The following MPPED1 variants were observed in gnomAD, a reference collection of about 807,000 sequenced individuals.
MPPED1 encodes metallophosphoesterase domain containing 1.
MPPED1 carries 16 observed loss-of-function variants against 36.2 expected under a neutral mutation model. The observed-to-expected ratio is 0.44, with a 90% CI of 0.30 to 0.67. The LOEUF is 0.67. MPPED1 is among the 30% of genes least tolerant of loss of function. The pLI is 0.10. For synonymous variants in MPPED1, 199 were observed against 191.3 expected (o/e 1.04, Z -0.33); for missense variants, 307 against 453.4 (o/e 0.68, Z 2.93).
intron 1 of MPPED1, among the ~76,000 whole-genome samples, chr22:43,422,342 A>G (rs1285720971): frequency 6.6e-6 from 1 of 152,180 alleles, no homozygotes; most frequent in Non-Finnish European, 1.5e-5. Context: ...AAGACTCTCA[A>G]AAAGTGTTGG....
At chr22:43,494,789 A>G (rs1363663376) in intron 4 of MPPED1, among the ~76,000 whole-genome samples, 1 of 151,518 alleles carries the variant, frequency 6.6e-6, no homozygotes, top group African/African-American at 2.4e-5. Flanking sequence ...TGGATTCTAA[A>G]CAACAGAAGT....
intron 1 of MPPED1, among the ~76,000 whole-genome samples, chr22:43,413,653 A>C (rs1209564956): frequency 1.3e-5 from 2 of 152,086 alleles, no homozygotes; most frequent in Admixed American, 6.5e-5. Flanking sequence ...CGCATGATAA[A>C]CTGCGCTTCA....
At position 43,425,048 on chromosome 22, in the gene MPPED1, C is replaced by A. The variant is rs780341898; in HGVS notation, c.63C>A (p.Cys21Ter). 1.2e-6 allele frequency: 2 copies of A among 1,612,492 alleles called. No individual in the cohort carries two copies. Among genetic ancestry groups the A allele is most frequent in the East Asian group, 2.2e-5 (1 of 44,816 alleles). ...CGGAGGCCCTGGCCCTCCTCCCCTG[C>A]GGCCTGGGCATGGCATTCTCCCAGT... ...LKAEALALLP[C>*]GLGMAFSQSH... The change falls in exon 2 of 7, where the codon TGC (cysteine) becomes TGA (stop). Residue 21 changes from cysteine (C) to a stop codon, truncating the protein, a stop_gained. Coordinates refer to ENST00000443721, the MANE Select transcript of MPPED1 (RefSeq NM_001044370.2). LOFTEE classifies it high-confidence loss of function.
chr22:43,500,428 A>AT (rs1932694654), intron 5 of MPPED1, among the ~76,000 whole-genome samples: 1 of 100,416 alleles, frequency 1.0e-5, no homozygotes, highest in Admixed American at 1.1e-4. Context: ...GTGGTAATGG[A>AT]GGTGGTGGTG....
chr22:43,479,920 T>C (rs1931696646), intron 4 of MPPED1, among the ~76,000 whole-genome samples: 1 of 152,162 alleles, frequency 6.6e-6, no homozygotes, highest in South Asian at 2.1e-4. Flanking sequence ...TGGAGTACAG[T>C]GGTACAGTCA....
At position 43,461,645 on chromosome 22, in the gene MPPED1, C is replaced by T. The variant is rs17003757; in HGVS notation, c.407-13091C>T. Among the ~76,000 whole-genome samples the T allele has an allele frequency of 8.4e-3, 1,276 of 152,166 alleles. 15 individuals carry two copies. Among genetic ancestry groups the T allele is most frequent in the African/African-American group, 0.029 (1,224 of 41,494 alleles). On this transcript the variant is annotated intron_variant, in intron 3 of 6. Transcript: ENST00000443721. The stretch of plus-strand genomic sequence containing the variant: ...TAAAATAAAGTCATTGAGAGCTGCT[C>T]ATAGCAAGAGAGATATTGTAAAGAC...
chr22:43,461,437 G>A (rs542888245), intron 3 of MPPED1, among the ~76,000 whole-genome samples: 13 of 152,258 alleles, frequency 8.5e-5, no homozygotes, highest in East Asian at 3.9e-4. Context: ...TATGCTCCTC[G>A]GATTGTTGGT....
chr22:43,425,917 C>T (rs1437062024), intron 2 of MPPED1, among the ~76,000 whole-genome samples: 1 of 152,220 alleles, frequency 6.6e-6, no homozygotes, highest in African/African-American at 2.4e-5. Context: ...TGTCCTGATG[C>T]CTGTGTGCGG....
intron 3 of MPPED1, among the ~76,000 whole-genome samples, chr22:43,441,431 G>C (rs533537808): frequency 6.6e-6 from 1 of 152,284 alleles, no homozygotes; most frequent in South Asian, 2.1e-4. Flanking sequence ...CAGCTTCTGT[G>C]AGCCACTCCA....
At chr22:43,451,350 TC>T (rs1417459908) in intron 3 of MPPED1, among the ~76,000 whole-genome samples, 1 of 152,250 alleles carries the variant, frequency 6.6e-6, no homozygotes, top group South Asian at 2.1e-4. Context: ...AAAGAGGACT[TC>T]CGCTTTTTAA....
At chr22:43,505,391 C>T in intron 6 of MPPED1, 107 bp from the exon 7 acceptor site, 1 of 945,378 alleles carries the variant, frequency 1.1e-6, no homozygotes, top group Non-Finnish European at 1.6e-6. Context: ...CAGCTTGCCC[C>T]AAACACATTC....
intron 3 of MPPED1, among the ~76,000 whole-genome samples, chr22:43,463,822 TCTTTCTTTCTTTCTTTC>T (rs1931049563): frequency 9.2e-6 from 1 of 108,736 alleles, no homozygotes; most frequent in Admixed American, 9.3e-5. Context: ...TTTCTTTCTT[TCTTTCTTTCTTTCTTTC>T]TTTCTTTCTT....
chr22:43,440,837 G>A (rs1421051686), intron 3 of MPPED1, among the ~76,000 whole-genome samples: 1 of 152,254 alleles, frequency 6.6e-6, no homozygotes, highest in East Asian at 1.9e-4. Flanking sequence ...GCTCTGCGGC[G>A]CCTGATGCTG....
At chr22:43,436,674 G>A (rs67831456) in intron 3 of MPPED1, among the ~76,000 whole-genome samples, 11,508 of 152,276 alleles carry the variant, frequency 0.076, 765 homozygotes, top group African/African-American at 0.18. Flanking sequence ...TGCTTGTCCC[G>A]TCTGCTGTGG....
chr22:43,477,569 C>T (rs558670796), intron 4 of MPPED1, among the ~76,000 whole-genome samples: 5 of 152,276 alleles, frequency 3.3e-5, no homozygotes, highest in African/African-American at 9.6e-5. Flanking sequence ...GGCCACCTGG[C>T]GGCTGGAGGC....
At chr22:43,412,331 G>A (rs1359851733) in intron 1 of MPPED1, among the ~76,000 whole-genome samples, 173 bp downstream of exon 1, 1 of 151,730 alleles carries the variant, frequency 6.6e-6, no homozygotes, top group Non-Finnish European at 1.5e-5. Context: ...CACCCCAGCT[G>A]CCCCGCCTGC....
At chr22:43,431,021 ATTTTTTTTTTTTTTTTTTTTTTTTTTTT>A in intron 2 of MPPED1, among the ~76,000 whole-genome samples, 1 of 42,308 alleles carries the variant, frequency 2.4e-5, no homozygotes, top group Admixed American at 4.3e-4. Context: ...GTTGTTGTTA[ATTTTTTTTTTTTTTTTTTTTTTTTTTTT>A]TTTTTTTTTT....
chr22:43,425,262 G>A (rs1434283310), intron 2 of MPPED1, 53 bp downstream of exon 2: 1 of 1,499,876 alleles, frequency 6.7e-7, no homozygotes, highest in Non-Finnish European at 8.9e-7. Context: ...CCCTGGGGTG[G>A]GTGCATGGTC....
intron 3 of MPPED1, among the ~76,000 whole-genome samples, chr22:43,452,747 G>A (rs1435293847): frequency 1.3e-5 from 2 of 151,678 alleles, no homozygotes; most frequent in African/African-American, 2.4e-5. Context: ...TCCCACGTCA[G>A]CTTCCCAAGT....
Sources: gnomAD v4.1 joint callset for allele counts (sites outside exome capture counted in the v4.1 genomes callset) on GRCh38, gnomAD v4.1.1 for gene constraint, MANE v1.5 for transcripts, NCBI Gene and HGNC (gene_info 2026-07-23, HGNC 2026-07-21) for gene names.